The following LPIN2 variants were observed in gnomAD, a reference collection of about 807,000 sequenced individuals.
The protein encoded by LPIN2 is phosphatidate phosphatase LPIN2.
In LPIN2, 55 loss-of-function variants were observed where a neutral mutation model predicts 111.4. That is an observed-to-expected ratio of 0.49 (90% CI 0.40 to 0.62). LPIN2 has a LOEUF of 0.62. Ranked by LOEUF, LPIN2 falls within the 20% of genes least tolerant of loss-of-function variation. The pLI, the probability that LPIN2 is intolerant of heterozygous loss-of-function variation, is 0.00. For missense variants in LPIN2, 992 were observed against 1,112.1 expected (o/e 0.89, Z 1.54); for synonymous variants, 425 against 414.0 (o/e 1.03, Z -0.32).
At chr18:2,992,995 A>AAG (rs917168729) in intron 1 of LPIN2, among the ~76,000 whole-genome samples, 6 of 132,252 alleles carry the variant, frequency 4.5e-5, no homozygotes, top group African/African-American at 1.1e-4. Context: ...AAAAAAAAAA[A>AAG]TTTAAATATT....
chr18:2,958,452 A>C (rs2077658441), intron 2 of LPIN2, among the ~76,000 whole-genome samples: 1 of 152,168 alleles, frequency 6.6e-6, no homozygotes, highest in Non-Finnish European at 1.5e-5. Flanking sequence ...TCTTACTTTC[A>C]CATCAATGGC....
At position 2,976,312 on chromosome 18, in the gene LPIN2, G is replaced by A. The variant is rs1030598199; in HGVS notation, c.-9-15463C>T. On this transcript the variant is annotated intron_variant, in intron 1 of 19. Coordinates refer to ENST00000677752, the MANE Select transcript of LPIN2 (RefSeq NM_001375808.2). ...AGAACCAGCCAGATGGACTACCATT[G>A]CAACTCCTGTAGCTAAGGTGGCAGC... is the stretch of plus-strand genomic sequence containing the variant. Among the ~76,000 whole-genome samples, 8 of 152,286 alleles carry A rather than the reference G, an allele frequency of 5.3e-5. No individual in the cohort carries two copies. The East Asian group carries it at 1.3e-3, about 26-fold the overall frequency.
chr18:2,962,041 G>C (rs2077721581), intron 1 of LPIN2, among the ~76,000 whole-genome samples: 1 of 152,188 alleles, frequency 6.6e-6, no homozygotes, highest in African/African-American at 2.4e-5. Context: ...AACTGAACTG[G>C]GAGAAAGAAT....
rs1044837111 is a variant in LPIN2, at chr18:2,965,644, C to T, written c.-9-4795G>A. Among the ~76,000 whole-genome samples, 16 of 149,372 alleles carry T rather than the reference C, an allele frequency of 1.1e-4. No homozygotes were observed. In the Admixed American group the frequency reaches 1.1e-3, roughly 10 times the overall value. ...ACTCGGGAGGCTGAGGCAGGAGAAT[C>T]GCTTGAACCCGGGAGGCAGAGGTTG... On this transcript the variant is annotated intron_variant, in intron 1 of 19. Coordinates refer to ENST00000677752, the MANE Select transcript of LPIN2 (RefSeq NM_001375808.2).
intron 1 of LPIN2, among the ~76,000 whole-genome samples, chr18:2,996,995 C>CTTTTTT (rs56073904): frequency 0.96 from 144,605 of 150,956 alleles, 69,526 homozygotes; most frequent in South Asian, 1. Context: ...TTTTCTTTTT[C>CTTTTTT]TTTTGAGACA....
Position 2,917,264 on chromosome 18 carries a change from AGTTTTCATCT to A in LPIN2, c.*3019_*3028del, listed in dbSNP as rs1364066564. 3.9e-5 allele frequency: 6 copies of A among 152,256 alleles called. No individual in the cohort carries two copies. The highest frequency in any genetic ancestry group is 8.8e-5 in the Non-Finnish European group (6 of 68,048). The allele number at this position is 152,256 out of a possible 1,614,324, so 9.4% of individuals were successfully genotyped here. ...TACTTTCAAACAAAACCAAAAGAGT[AGTTTTCATCT>A]GGAAAGAGCACTTACTTCAGGGAAA... On this transcript the variant is annotated 3_prime_UTR_variant, in exon 20 of 20. Transcript: ENST00000677752.
At chr18:2,976,556 C>T (rs1399138379) in intron 1 of LPIN2, among the ~76,000 whole-genome samples, 1 of 152,194 alleles carries the variant, frequency 6.6e-6, no homozygotes, top group Non-Finnish European at 1.5e-5. Flanking sequence ...CATTTGTCTG[C>T]GTGGATTGTT....
chr18:2,938,000 G>C lies in LPIN2; in HGVS notation c.860C>G (p.Thr287Arg). The C allele has an allele frequency of 6.2e-7, 1 of 1,614,108 alleles. No homozygotes were observed. Among genetic ancestry groups the C allele is most frequent in the Non-Finnish European group, 8.5e-7 (1 of 1,180,006 alleles). The change falls in exon 7 of 20, where the codon ACA becomes AGA. Residue 287 changes from threonine to arginine, a missense_variant. Coordinates refer to ENST00000677752, the MANE Select transcript of LPIN2 (RefSeq NM_001375808.2). ...ATTTTCTGATGGTGTAATTGTAGCTGTCCTAGGATGATGGTCAGATCGTTC... is the reference window on the plus strand; with the variant it reads ...ATTTTCTGATGGTGTAATTGTAGCTCTCCTAGGATGATGGTCAGATCGTTC... ...KRERSDHHPRTATITPSENTH... is the reference protein window; with the variant it reads ...KRERSDHHPRRATITPSENTH...
At position 2,924,502 on chromosome 18, in the gene LPIN2, A is replaced by G; in HGVS notation, c.1983T>C (p.Ser661=). 3 of 1,614,216 alleles carry G rather than the reference A, an allele frequency of 1.9e-6. No individual in the cohort carries two copies. Among genetic ancestry groups the G allele is most frequent in the Non-Finnish European group, 2.5e-6 (3 of 1,180,012 alleles). Residue 661 remains serine, a synonymous_variant, in exon 15 of 20, where the codon AGT becomes AGC. Coordinates refer to ENST00000677752, the MANE Select transcript of LPIN2 (RefSeq NM_001375808.2). ...LHDGPNDVVF[S]ITTQYQGTCR... ...AGGTGCCTTGATACTGGGTTGTAAT[A>G]CTAAACACAACATCATTTGGGCCAT... is the stretch of plus-strand genomic sequence containing the variant.
chr18:2,944,433 G>C (rs1383897957), intron 4 of LPIN2, among the ~76,000 whole-genome samples: 1 of 127,786 alleles, frequency 7.8e-6, no homozygotes, highest in Non-Finnish European at 1.6e-5. Context: ...CTCACTGCCA[G>C]CTCCGCCTCT....
chr18:2,922,296 T>G (rs975305547), intron 16 of LPIN2, 97 bp from the exon 17 acceptor site: 1 of 1,417,258 alleles, frequency 7.1e-7, no homozygotes, highest in Non-Finnish European at 9.7e-7. Context: ...TTCTTTTTTT[T>G]TTGAGTCTCA....
chr18:2,953,983 C>G (rs1478568551), intron 3 of LPIN2, among the ~76,000 whole-genome samples: 1 of 152,156 alleles, frequency 6.6e-6, no homozygotes, highest in Non-Finnish European at 1.5e-5. Context: ...AGAAGTCAAA[C>G]ATGTAATCAC....
At chr18:2,948,800 G>A (rs1349470978) in intron 4 of LPIN2, among the ~76,000 whole-genome samples, 1 of 151,776 alleles carries the variant, frequency 6.6e-6, no homozygotes, top group Non-Finnish European at 1.5e-5. Context: ...AACTTTTAAA[G>A]GAAATTGTTT....
At chr18:2,961,657 C>A (rs770558637) in intron 1 of LPIN2, among the ~76,000 whole-genome samples, 33 of 152,264 alleles carry the variant, frequency 2.2e-4, no homozygotes, top group African/African-American at 7.2e-4. Flanking sequence ...TTGGCCCCAT[C>A]CCCAACTTTT....
intron 1 of LPIN2, among the ~76,000 whole-genome samples, chr18:3,005,838 C>T (rs1016108813): frequency 2.0e-5 from 3 of 152,238 alleles, no homozygotes; most frequent in Admixed American, 6.5e-5. Flanking sequence ...CCAACCTGGG[C>T]AACACAGCAA....
chr18:2,951,871 G>C (rs770311958), intron 3 of LPIN2, among the ~76,000 whole-genome samples: 4 of 152,180 alleles, frequency 2.6e-5, no homozygotes, highest in Non-Finnish European at 5.9e-5. Flanking sequence ...AAATTAATTG[G>C]AGAAAGGCAA....
At chr18:2,992,829 A>G in intron 1 of LPIN2, among the ~76,000 whole-genome samples, 1 of 151,628 alleles carries the variant, frequency 6.6e-6, no homozygotes, top group East Asian at 1.9e-4. Flanking sequence ...TAAAAATACA[A>G]AAAAAAATTA....
intron 1 of LPIN2, among the ~76,000 whole-genome samples, chr18:2,962,317 C>T (rs545513499): frequency 5.9e-5 from 9 of 152,222 alleles, no homozygotes; most frequent in African/African-American, 1.7e-4. Context: ...AGCTGGAAAA[C>T]GCTTGTGCTG....
intron 4 of LPIN2, chr18:2,946,797 G>C (rs2077459222): frequency 2.2e-6 from 1 of 455,244 alleles, no homozygotes; most frequent in Admixed American, 3.5e-5. Context: ...CACTAACTCT[G>C]TTAACAACGT....
Sources: allele counts gnomAD v4.1 joint callset (sites outside exome capture counted in the v4.1 genomes callset), GRCh38; gene constraint gnomAD v4.1.1; transcripts MANE v1.5; gene names NCBI Gene and HGNC (gene_info 2026-07-23, HGNC 2026-07-21).